Variants in ST6GALNAC5 observed in about 807,000 individuals in gnomAD.
The protein encoded by ST6GALNAC5 is alpha-N-acetylgalactosaminide alpha-2,6-sialyltransferase 5.
Under a neutral mutation model 33.6 loss-of-function variants are expected in ST6GALNAC5, and 27 were observed. The ratio of observed to expected loss-of-function variants is 0.80; its 90% CI spans 0.59 to 1.11. The LOEUF (loss-of-function observed/expected upper bound fraction) is 1.11. Ranked by LOEUF, ST6GALNAC5 falls within the 50% of genes least tolerant of loss-of-function variation. The pLI is 0.00. For missense variants in ST6GALNAC5, 428 were observed against 454.0 expected, an observed-to-expected ratio of 0.94 and a Z score of 0.52; for synonymous variants, 194 against 171.2, an observed-to-expected ratio of 1.13 and a Z score of -1.04.
At chr1:77,013,895 A>G (rs1369549923) in intron 2 of ST6GALNAC5, among the ~76,000 whole-genome samples, 2 of 152,192 alleles carry the variant, frequency 1.3e-5, no homozygotes, top group African/African-American at 4.8e-5. Context: ...GTCAATGGGA[A>G]ATGATGCACA....
At position 77,016,024 on chromosome 1, in the gene ST6GALNAC5, ACCT is replaced by A. The variant is rs747131434; in HGVS notation, c.262-28169_262-28167del. ...GCTCTAGCCAAATTCACCCTCCTCC[ACCT>A]CCTCCTCCTCTTCCCCTCAAATCTC... On this transcript the variant is annotated intron_variant, in intron 2 of 4. Coordinates refer to ENST00000477717, the MANE Select transcript of ST6GALNAC5 (RefSeq NM_030965.3). Among the ~76,000 whole-genome samples the A allele has an allele frequency of 2.5e-4, 36 of 144,580 alleles. 1 individual carries two copies. The East Asian group carries it at 7.2e-3, about 29-fold the overall frequency. 94.9% of individuals were successfully genotyped at this position (144,580 alleles called of 152,430 possible).
intron 2 of ST6GALNAC5, among the ~76,000 whole-genome samples, chr1:76,905,883 T>C (rs915947463): frequency 9.9e-5 from 15 of 152,168 alleles, no homozygotes; most frequent in African/African-American, 3.6e-4. Context: ...ATCTCTTTAA[T>C]TTGCTGCAGG....
At chr1:76,924,794 CA>C (rs1647069300) in intron 2 of ST6GALNAC5, among the ~76,000 whole-genome samples, 1 of 152,070 alleles carries the variant, frequency 6.6e-6, no homozygotes, top group African/African-American at 2.4e-5. Flanking sequence ...CCTTTGCGTC[CA>C]AACATTCCTG....
At chr1:76,946,610 A>C (rs1008107913) in intron 2 of ST6GALNAC5, among the ~76,000 whole-genome samples, 1 of 152,128 alleles carries the variant, frequency 6.6e-6, no homozygotes, top group African/African-American at 2.4e-5. Flanking sequence ...AAATGCCCCA[A>C]ACCCAAATTG....
At chr1:76,969,794 T>C (rs559002770) in intron 2 of ST6GALNAC5, among the ~76,000 whole-genome samples, 1 of 152,056 alleles carries the variant, frequency 6.6e-6, no homozygotes, top group Non-Finnish European at 1.5e-5. Context: ...TGACACCTCA[T>C]ACAGGCAGGT....
chr1:76,924,356 A>G (rs774451825), intron 2 of ST6GALNAC5, among the ~76,000 whole-genome samples: 10 of 152,174 alleles, frequency 6.6e-5, no homozygotes, highest in Non-Finnish European at 1.2e-4. Flanking sequence ...GAGCAGATCC[A>G]TTTTGTGCAT....
At chr1:76,974,872 G>A (rs1316126343) in intron 2 of ST6GALNAC5, among the ~76,000 whole-genome samples, 2 of 123,962 alleles carry the variant, frequency 1.6e-5, no homozygotes, top group Non-Finnish European at 3.2e-5. Flanking sequence ...AGCAACTTCC[G>A]CCTCCCGGGT....
At chr1:76,957,314 A>T (rs1239453174) in intron 2 of ST6GALNAC5, among the ~76,000 whole-genome samples, 1 of 152,080 alleles carries the variant, frequency 6.6e-6, no homozygotes, top group Non-Finnish European at 1.5e-5. Context: ...CATTCCTCGA[A>T]TCTTTGACAT....
chr1:76,915,495 AT>A (rs1646961801), intron 2 of ST6GALNAC5, among the ~76,000 whole-genome samples: 1 of 152,222 alleles, frequency 6.6e-6, no homozygotes, highest in Non-Finnish European at 1.5e-5. Context: ...TATATACACC[AT>A]GGAATACTAC....
intron 2 of ST6GALNAC5, among the ~76,000 whole-genome samples, chr1:76,913,193 G>C (rs933028774): frequency 2.6e-5 from 4 of 151,490 alleles, no homozygotes; most frequent in South Asian, 2.1e-4. Flanking sequence ...AGTTTGGCTG[G>C]ATATGAAATT....
chr1:76,875,037 G>A (rs1354935755), intron 2 of ST6GALNAC5, among the ~76,000 whole-genome samples: 3 of 152,254 alleles, frequency 2.0e-5, no homozygotes, highest in Non-Finnish European at 2.9e-5. Context: ...TATGTCACAT[G>A]ATAAAGGAAA....
At chr1:76,920,738 A>T (rs1004326506) in intron 2 of ST6GALNAC5, among the ~76,000 whole-genome samples, 2 of 152,202 alleles carry the variant, frequency 1.3e-5, no homozygotes, top group African/African-American at 4.8e-5. Flanking sequence ...GGCTAATCTT[A>T]TAAGTAGATA....
rs117940076 is a variant in ST6GALNAC5, at chr1:76,891,382, A to T, written c.261+22640A>T. The stretch of plus-strand genomic sequence containing the variant: ...ACATGTTTTTATGTGCTTATTGTCT[A>T]TTTGTATATCTTTCCTGGATTATGT... On this transcript the variant is annotated intron_variant, in intron 2 of 4. Transcript: ENST00000477717. 1.6e-3 allele frequency among the ~76,000 whole-genome samples: 241 copies of T among 152,216 alleles called. 4 individuals are homozygous for T. The East Asian group carries it at 0.038, about 24-fold the overall frequency.
intron 3 of ST6GALNAC5, among the ~76,000 whole-genome samples, chr1:77,044,902 A>T (rs1180596423): frequency 1.3e-5 from 2 of 152,208 alleles, no homozygotes; most frequent in Non-Finnish European, 1.5e-5. Context: ...GCAGTATAAC[A>T]GCTTTATTGC....
chr1:76,942,787 GT>G (rs1647383881), intron 2 of ST6GALNAC5, among the ~76,000 whole-genome samples: 1 of 152,098 alleles, frequency 6.6e-6, no homozygotes, highest in Non-Finnish European at 1.5e-5. Context: ...TTTGGCAGAA[GT>G]CCCCTCTCCT....
chr1:76,944,225 G>C (rs1277846265), intron 2 of ST6GALNAC5, among the ~76,000 whole-genome samples: 1 of 152,058 alleles, frequency 6.6e-6, no homozygotes, highest in Non-Finnish European at 1.5e-5. Context: ...CTTTGGAATT[G>C]ATTCCTTTTC....
chr1:76,942,872 T>A (rs1022019194), intron 2 of ST6GALNAC5, among the ~76,000 whole-genome samples: 5 of 152,058 alleles, frequency 3.3e-5, no homozygotes, highest in African/African-American at 1.2e-4. Context: ...TGACTCGACA[T>A]CCACAGTATC....
chr1:76,937,305 C>G (rs146943665), intron 2 of ST6GALNAC5, among the ~76,000 whole-genome samples: 43 of 151,954 alleles, frequency 2.8e-4, no homozygotes, highest in African/African-American at 9.9e-4. Flanking sequence ...CAAAATCACA[C>G]AGTAAAAATA....
intron 2 of ST6GALNAC5, among the ~76,000 whole-genome samples, chr1:76,980,690 C>A (rs1346445872): frequency 6.6e-6 from 1 of 152,046 alleles, no homozygotes; most frequent in Non-Finnish European, 1.5e-5. Context: ...GGAATGGAAC[C>A]ACCTTTCCAC....
Sources: allele counts gnomAD v4.1 joint callset (sites outside exome capture counted in the v4.1 genomes callset), GRCh38; gene constraint gnomAD v4.1.1; transcripts MANE v1.5; gene names NCBI Gene and HGNC (gene_info 2026-07-23, HGNC 2026-07-21).